The following LRRTM4 variants were observed in gnomAD, a reference collection of about 807,000 sequenced individuals.
The protein encoded by LRRTM4 is leucine rich repeat transmembrane neuronal 4.
Under a neutral mutation model 47.6 loss-of-function variants are expected in LRRTM4, and 25 were observed. The ratio of observed to expected loss-of-function variants is 0.53; its 90% confidence interval spans 0.38 to 0.73. LRRTM4 has a LOEUF of 0.73. LRRTM4 is among the 30% of genes least tolerant of loss of function. The pLI, the probability that LRRTM4 is intolerant of heterozygous loss-of-function variation, is 0.00. For synonymous variants in LRRTM4, 311 were observed against 269.5 expected (o/e 1.15, Z -1.51); for missense variants, 638 against 713.4 (o/e 0.89, Z 1.20).
At chr2:76,857,091 T>C (rs1349787028) in intron 3 of LRRTM4, among the ~76,000 whole-genome samples, 3 of 151,678 alleles carry the variant, frequency 2.0e-5, no homozygotes, top group African/African-American at 7.3e-5. Flanking sequence ...ACTACACCAA[T>C]TTTCTTCCAT....
intron 3 of LRRTM4, among the ~76,000 whole-genome samples, chr2:77,006,110 A>G (rs1302777928): frequency 6.6e-6 from 1 of 152,176 alleles, no homozygotes; most frequent in African/African-American, 2.4e-5. Context: ...ATATTTTCTC[A>G]CATATGATTC....
chr2:77,312,489 A>G (rs916163404), intron 3 of LRRTM4, among the ~76,000 whole-genome samples: 5 of 152,236 alleles, frequency 3.3e-5, no homozygotes, highest in Non-Finnish European at 7.3e-5. Flanking sequence ...TCTAAAATTT[A>G]AAGACAAATA....
chr2:77,428,009 ACT>A (rs1417176004), intron 3 of LRRTM4, among the ~76,000 whole-genome samples: 1 of 152,108 alleles, frequency 6.6e-6, no homozygotes, highest in Non-Finnish European at 1.5e-5. Context: ...TAGGGCAGTT[ACT>A]CCCATGCTAC....
intron 3 of LRRTM4, among the ~76,000 whole-genome samples, chr2:76,877,138 A>G (rs1333547548): frequency 6.6e-6 from 1 of 152,068 alleles, no homozygotes; most frequent in Non-Finnish European, 1.5e-5. Flanking sequence ...AGTAGATTTC[A>G]TCTTATTTTG....
intron 3 of LRRTM4, among the ~76,000 whole-genome samples, chr2:77,091,473 C>T (rs1406604962): frequency 1.3e-5 from 2 of 150,704 alleles, no homozygotes; most frequent in African/African-American, 2.5e-5. Context: ...TTTTACCAGT[C>T]CTAAAACCAG....
chr2:77,204,366 CAAT>C (rs1573073625), intron 3 of LRRTM4, among the ~76,000 whole-genome samples: 3 of 151,756 alleles, frequency 2.0e-5, no homozygotes, highest in Admixed American at 1.3e-4. Flanking sequence ...ATGATGATGA[CAAT>C]GATGATGATG....
intron 3 of LRRTM4, among the ~76,000 whole-genome samples, chr2:77,105,945 A>G (rs574874379): frequency 1.3e-5 from 2 of 152,296 alleles, no homozygotes; most frequent in South Asian, 4.1e-4. Flanking sequence ...AGTTCCTGTC[A>G]TACTTTGAAA....
intron 3 of LRRTM4, among the ~76,000 whole-genome samples, chr2:77,358,501 G>A (rs561189592): frequency 9.9e-5 from 15 of 152,086 alleles, no homozygotes; most frequent in Non-Finnish European, 1.6e-4. Flanking sequence ...CCCCACCTCC[G>A]ACACTGGGAA....
At chr2:77,315,976 T>C (rs1168059078) in intron 3 of LRRTM4, among the ~76,000 whole-genome samples, 1 of 152,224 alleles carries the variant, frequency 6.6e-6, no homozygotes, top group Non-Finnish European at 1.5e-5. Flanking sequence ...GTCAGCCCCC[T>C]ATCCTGGTTC....
intron 3 of LRRTM4, among the ~76,000 whole-genome samples, chr2:77,125,838 A>G (rs1248442547): frequency 6.6e-6 from 1 of 151,556 alleles, no homozygotes; most frequent in Non-Finnish European, 1.5e-5. Context: ...TTTAGTAATA[A>G]GTAAGGGATT....
rs116229480 is a variant in LRRTM4 at position 77,088,160 on chromosome 2, C to T, written c.1552-339244G>A. The stretch of plus-strand genomic sequence containing the variant: ...ATTTATTTTGATTACTAAATTTCTT[C>T]TGCTGTTTGTCAAAGTTTACTGCCT... On this transcript the variant is annotated intron_variant, in intron 3 of 3. Transcript: ENST00000409884. Among the ~76,000 whole-genome samples, 207 of 152,292 alleles carry T rather than the reference C, an allele frequency of 1.4e-3. 1 individual carries two copies. Among genetic ancestry groups the T allele is most frequent in the African/African-American group, 4.8e-3 (199 of 41,562 alleles).
At chr2:76,880,225 T>C (rs866068926) in intron 3 of LRRTM4, among the ~76,000 whole-genome samples, 5 of 152,190 alleles carry the variant, frequency 3.3e-5, no homozygotes, top group Admixed American at 6.5e-5. Context: ...CACAGAAAGA[T>C]CTTTAGTGAA....
At chr2:76,860,150 T>G (rs1672270644) in intron 3 of LRRTM4, among the ~76,000 whole-genome samples, 1 of 152,130 alleles carries the variant, frequency 6.6e-6, no homozygotes, top group Non-Finnish European at 1.5e-5. Flanking sequence ...ATACAATATA[T>G]TCTAATGATA....
In LRRTM4 at chr2:77,519,206, G is replaced by T. The variant is rs1244676427; in HGVS notation, c.663C>A (p.Asn221Lys). ...HLEHNQFSKINFAHFPRLFNL... is the reference protein window; with the variant it reads ...HLEHNQFSKIKFAHFPRLFNL... The stretch of plus-strand genomic sequence containing the variant: ...TGAAGAGACGTGGAAAATGAGCAAA[G>T]TTGATCTTGGAAAACTGGTTGTGCT... The change falls in exon 3 of 4, where the codon AAC becomes AAA. Residue 221 changes from asparagine to lysine, a missense_variant. Coordinates refer to ENST00000409884, the MANE Select transcript of LRRTM4 (RefSeq NM_001134745.3). This position sits in a 1 kb window ranked among gnomAD's most constrained non-coding sequence, Gnocchi z 4.6. The T allele has an allele frequency of 1.2e-6, 2 of 1,613,334 alleles. No homozygotes were observed. The highest frequency in any genetic ancestry group is 1.7e-6 in the Non-Finnish European group (2 of 1,179,592).
chr2:77,066,813 G>A (rs781579174), intron 3 of LRRTM4, among the ~76,000 whole-genome samples: 1 of 152,216 alleles, frequency 6.6e-6, no homozygotes, highest in East Asian at 1.9e-4. Context: ...TGTGACATTT[G>A]GTTGAATTTG....
At chr2:77,152,683 A>G (rs1003414476) in intron 3 of LRRTM4, among the ~76,000 whole-genome samples, 12 of 152,110 alleles carry the variant, frequency 7.9e-5, no homozygotes, top group African/African-American at 2.7e-4. Flanking sequence ...ATTATACTTC[A>G]AGGGTTTTCT....
At chr2:76,938,731 A>G (rs1230706345) in intron 3 of LRRTM4, among the ~76,000 whole-genome samples, 2 of 152,170 alleles carry the variant, frequency 1.3e-5, no homozygotes, top group Non-Finnish European at 2.9e-5. Context: ...TCATCAGGCA[A>G]AAACACTATT....
At chr2:76,807,330 CAG>C (rs1676018384) in intron 3 of LRRTM4, among the ~76,000 whole-genome samples, 1 of 148,226 alleles carries the variant, frequency 6.7e-6, no homozygotes. Flanking sequence ...AGTGAAGAAA[CAG>C]ATAGTTGTAA....
At chr2:77,034,107 A>G (rs1210705582) in intron 3 of LRRTM4, among the ~76,000 whole-genome samples, 1 of 151,730 alleles carries the variant, frequency 6.6e-6, no homozygotes, top group Non-Finnish European at 1.5e-5. Context: ...AAAATAGCAT[A>G]TAATAAGATT....
Sources: gnomAD v4.1 joint callset for allele counts (sites outside exome capture counted in the v4.1 genomes callset) on GRCh38, gnomAD v4.1.1 for gene constraint, Gnocchi (gnomAD v3.1) non-coding constraint, MANE v1.5 for transcripts, NCBI Gene and HGNC (gene_info 2026-07-23, HGNC 2026-07-21) for gene names.